Variants in LAMA3 observed in about 807,000 individuals in gnomAD.
LAMA3 encodes laminin subunit alpha 3.
Under a neutral mutation model 402.0 loss-of-function variants are expected in LAMA3, and 281 were observed. That is an observed-to-expected ratio of 0.70 (90% CI 0.63 to 0.77). The LOEUF is 0.77. Among genes scored for constraint, LAMA3 ranks in the 30% least tolerant of loss-of-function variants. The pLI is 0.00. For synonymous variants in LAMA3, 1,431 were observed against 1,558.4 expected, an observed-to-expected ratio of 0.92 and a Z score of 1.93; for missense variants, 3,840 against 4,215.5, an observed-to-expected ratio of 0.91 and a Z score of 2.47.
intron 37 of LAMA3, 72 bp from the exon 38 acceptor site, chr18:23,871,359 T>C: frequency 8.5e-7 from 1 of 1,172,036 alleles, no homozygotes; most frequent in African/African-American, 1.5e-5. Context: ...TCATTCGGGG[T>C]GTCTGCCTCT....
At chr18:23,913,991 A>AT (rs1374180712) in intron 56 of LAMA3, among the ~76,000 whole-genome samples, 2 of 152,254 alleles carry the variant, frequency 1.3e-5, no homozygotes, top group Non-Finnish European at 2.9e-5. Flanking sequence ...AAAGATGCAT[A>AT]TATAACTAAC....
In LAMA3 at chr18:23,871,584, G is replaced by A; in HGVS notation, c.4921G>A (p.Asp1641Asn). Residue 1641 changes from aspartate (D) to asparagine (N), a missense_variant, in exon 38 of 75, where the codon GAC becomes AAC. Transcript: ENST00000313654. ...LSEVGLEEAS[D>N]TGSGRIALAV... ...CGAGGTGGGGCTAGAGGAAGCCTCT[G>A]ACACAGGAAGTGGGCGCATAGCACT... is the stretch of plus-strand genomic sequence containing the variant. 2 of 1,614,158 alleles carry A rather than the reference G, an allele frequency of 1.2e-6. No individual in the cohort carries two copies. Among genetic ancestry groups the A allele is most frequent in the Non-Finnish European group, 1.7e-6 (2 of 1,179,994 alleles).
intron 74 of LAMA3, 22 bp downstream of exon 74, chr18:23,953,131 A>G (rs1427371319): frequency 1.2e-6 from 2 of 1,613,314 alleles, no homozygotes; most frequent in East Asian, 2.2e-5. Context: ...CCTGACTTCT[A>G]TAATGTGTTG....
Position 23,839,719 on chromosome 18 carries a change from C to T in LAMA3, c.3192-66C>T. The T allele has an allele frequency of 1.3e-6, 2 of 1,562,312 alleles. No homozygotes were observed. The highest frequency in any genetic ancestry group is 2.2e-5 in the South Asian group (2 of 89,924). Reference sequence around the variant, plus strand: ...CCTATGCTCCAAGTCTGTCTCTTCACTGATGGTCAGTTCTGTAGCTTTGGG... The same window carrying T: ...CCTATGCTCCAAGTCTGTCTCTTCATTGATGGTCAGTTCTGTAGCTTTGGG... On this transcript the variant is annotated intron_variant, in intron 26 of 74. Transcript: ENST00000313654. The surrounding 1 kb of genome is among the most constrained non-coding windows in gnomAD (Gnocchi z 4.5).
At position 23,749,486 on chromosome 18, in the gene LAMA3, G is replaced by T. The variant is rs1431892103; in HGVS notation, c.624G>T (p.Arg208=). Residue 208 remains arginine (R), a synonymous_variant, in exon 4 of 75, where the codon CGG becomes CGT. Coordinates refer to ENST00000313654, the MANE Select transcript of LAMA3 (RefSeq NM_198129.4). ...FGREANMAVT[R]DDDVLCVTEY... ...GGGAGGCAAATATGGCTGTCACCCG[G>T]GATGATGATGTACTTTGTGTTACTG... The T allele has an allele frequency of 3.1e-6, 5 of 1,613,248 alleles. No homozygotes were observed. Among genetic ancestry groups the T allele is most frequent in the Non-Finnish European group, 4.2e-6 (5 of 1,179,366 alleles).
At chr18:23,900,393 A>C (rs1278233552) in intron 47 of LAMA3, among the ~76,000 whole-genome samples, 1 of 152,134 alleles carries the variant, frequency 6.6e-6, no homozygotes, top group Non-Finnish European at 1.5e-5. Context: ...TTTTGACTGC[A>C]TTTTGACTGC....
At chr18:23,924,543 C>CTTTTTTTTTTTT (rs66546657) in intron 62 of LAMA3, among the ~76,000 whole-genome samples, 1 of 89,106 alleles carries the variant, frequency 1.1e-5, no homozygotes, top group African/African-American at 3.6e-5. Flanking sequence ...CTTTTTTTTT[C>CTTTTTTTTTTTT]TTTTTTTTTT....
At position 23,773,525 on chromosome 18, in the gene LAMA3, A is replaced by C. The variant is rs1250907460; in HGVS notation, c.1211A>C (p.Gln404Pro). 1 of 1,600,196 alleles carries C rather than the reference A, an allele frequency of 6.2e-7. No individual in the cohort carries two copies. Among genetic ancestry groups the C allele is most frequent in the Admixed American group, 1.7e-5 (1 of 58,938 alleles). Reference protein sequence around the residue: ...QHNTAGVNCEQCAKGYYRPYG... With the variant: ...QHNTAGVNCEPCAKGYYRPYG... ...AACACAGCTGGAGTAAACTGTGAACAGTGTGCTAAGGGCTATTACCGCCCT... is the reference window on the plus strand; with the variant it reads ...AACACAGCTGGAGTAAACTGTGAACCGTGTGCTAAGGGCTATTACCGCCCT... Residue 404 changes from glutamine (Q) to proline (P), a missense_variant, in exon 9 of 75, where the codon CAG becomes CCG. Gln to Pro is a moderately conservative substitution (Grantham distance 76, BLOSUM62 -1). Around this residue, in one of 3 missense-constraint regions of LAMA3, gnomAD observed 2,109 missense variants for 2,376.0 expected, o/e 0.89. Transcript: ENST00000313654.
intron 52 of LAMA3, 120 bp downstream of exon 52, chr18:23,905,744 A>G: frequency 3.6e-6 from 2 of 561,708 alleles, no homozygotes; most frequent in Non-Finnish European, 3.2e-6. Context: ...TGCAGATGAT[A>G]CCCTTTATTT....
intron 74 of LAMA3, 91 bp downstream of exon 74, chr18:23,953,200 A>G (rs2082982070): frequency 1.3e-6 from 2 of 1,546,342 alleles, no homozygotes; most frequent in Non-Finnish European, 1.8e-6. Context: ...TCTTGGCTGG[A>G]CAGTGGAGAT....
At chr18:23,925,045 G>A (rs2081965124) in intron 62 of LAMA3, among the ~76,000 whole-genome samples, 1 of 152,196 alleles carries the variant, frequency 6.6e-6, no homozygotes, top group African/African-American at 2.4e-5. Flanking sequence ...TGAGTCACTG[G>A]GAGGTGGGGT....
chr18:23,936,723 G>A (rs2082324332), intron 67 of LAMA3, among the ~76,000 whole-genome samples: 1 of 152,122 alleles, frequency 6.6e-6, no homozygotes, highest in Non-Finnish European at 1.5e-5. Flanking sequence ...ATTCCCAGAA[G>A]CACAAGAAGA....
chr18:23,873,276 AAGTTAC>A, intron 38 of LAMA3: 1 of 1,439,084 alleles, frequency 6.9e-7, no homozygotes, highest in Non-Finnish European at 9.8e-7. Flanking sequence ...GTGACATTTT[AAGTTAC>A]AGTTACGGTG....
At position 23,894,897 on chromosome 18, in the gene LAMA3, G is replaced by A. The variant is rs750901851; in HGVS notation, c.5462-10G>A. On this transcript the variant is annotated splice_polypyrimidine_tract_variant and intron_variant, in intron 43 of 74. Coordinates refer to ENST00000313654, the MANE Select transcript of LAMA3 (RefSeq NM_198129.4). ...CACAGCACATTTGCCTTTGATTGTG[G>A]CCCCTACAGATTGCGACAGCTGTGT... is the stretch of plus-strand genomic sequence containing the variant. The A allele has an allele frequency of 1.2e-6, 2 of 1,614,164 alleles. No homozygotes were observed. Among genetic ancestry groups the A allele is most frequent in the Non-Finnish European group, 1.7e-6 (2 of 1,180,030 alleles).
chr18:23,929,222 A>T (rs2082093361), intron 64 of LAMA3, among the ~76,000 whole-genome samples: 1 of 152,118 alleles, frequency 6.6e-6, no homozygotes, highest in Non-Finnish European at 1.5e-5. Context: ...ATACCTGGGG[A>T]ATTGGAGAAA....
At position 23,846,504 on chromosome 18, in the gene LAMA3, C is replaced by G; in HGVS notation, c.3927C>G (p.Cys1309Trp). Residue 1309 changes from cysteine to tryptophan, a missense_variant, in exon 31 of 75, where the codon TGC (cysteine) becomes TGG (tryptophan). Cys to Trp is a radical substitution (Grantham distance 215). This residue lies in a region of LAMA3 where 2,109 missense variants were observed against 2,376.0 expected (regional missense o/e 0.89). Transcript: ENST00000313654. ...CAGGCCACTACGGATTCCCACGCTG[C>G]AAGCGTAAGTGCACGTTTCCCATCA... ...CATGHYGFPRCKPCSCGRRLC... is the reference protein window; with the variant it reads ...CATGHYGFPRWKPCSCGRRLC... 2 of 1,606,882 alleles carry G rather than the reference C, an allele frequency of 1.2e-6. No individual in the cohort carries two copies. Among genetic ancestry groups the G allele is most frequent in the Non-Finnish European group, 1.7e-6 (2 of 1,179,588 alleles).
intron 51 of LAMA3, among the ~76,000 whole-genome samples, chr18:23,905,113 A>G (rs957100966): frequency 6.6e-6 from 1 of 152,182 alleles, no homozygotes; most frequent in Non-Finnish European, 1.5e-5. Context: ...GATAATTCCT[A>G]TATCTGAAAA....
chr18:23,895,763 C>G (rs2080855069), intron 44 of LAMA3, among the ~76,000 whole-genome samples: 1 of 151,944 alleles, frequency 6.6e-6, no homozygotes, highest in African/African-American at 2.4e-5. Flanking sequence ...CATTGTTTAT[C>G]TATTTTCAAT....
chr18:23,894,488 T>G, intron 43 of LAMA3, 140 bp downstream of exon 43: 1 of 763,506 alleles, frequency 1.3e-6, no homozygotes, highest in East Asian at 2.6e-5. Context: ...TAGGGTCAAA[T>G]CAGCTTCTCT....
Sources: allele counts gnomAD v4.1 joint callset (sites outside exome capture counted in the v4.1 genomes callset), GRCh38; gene constraint gnomAD v4.1.1; regional missense constraint gnomAD v4.1.1; non-coding constraint Gnocchi (gnomAD v3.1); transcripts MANE v1.5; gene names NCBI Gene and HGNC (gene_info 2026-07-23, HGNC 2026-07-21).